TPM4: variants seen among roughly 807,000 people sequenced by gnomAD.
TPM4 encodes tropomyosin alpha-4 chain.
Under a neutral mutation model 35.8 loss-of-function variants are expected in TPM4, and 17 were observed. The ratio of observed to expected loss-of-function variants is 0.47; its 90% CI spans 0.32 to 0.71. The LOEUF (loss-of-function observed/expected upper bound fraction) is 0.71. Ranked by LOEUF, TPM4 falls within the 30% of genes least tolerant of loss-of-function variation. The probability of loss-of-function intolerance (pLI) is 0.03; values close to 1 mark genes in which losing one functional copy is unlikely to be tolerated. For synonymous variants in TPM4, 120 were observed against 122.9 expected, an observed-to-expected ratio of 0.98 and a Z score of 0.15; for missense variants, 240 against 320.9, an observed-to-expected ratio of 0.75 and a Z score of 1.93.
chr19:16,088,257 G>T, intron 4 of TPM4, 160 bp downstream of exon 4: 1 of 1,414,038 alleles, frequency 7.1e-7, no homozygotes, highest in Non-Finnish European at 9.5e-7. Context: ...CTGTGACAAA[G>T]AGGTGGTGAC....
intron 7 of TPM4, chr19:16,095,566 C>T: frequency 3.0e-6 from 3 of 1,013,236 alleles, no homozygotes; most frequent in Non-Finnish European, 3.5e-6. Flanking sequence ...TAGCTGTGTG[C>T]CCTTAACCAT....
intron 3 of TPM4, among the ~76,000 whole-genome samples, chr19:16,087,039 C>T (rs766267902): frequency 6.6e-5 from 10 of 152,098 alleles, no homozygotes; most frequent in Non-Finnish European, 4.4e-5. Flanking sequence ...CCCAGCACTT[C>T]GACCGAGGCG....
At chr19:16,076,097 C>G, upstream of TPM4, 2 of 1,602,378 alleles carry the variant, frequency 1.2e-6, no homozygotes, top group Non-Finnish European at 1.7e-6. Context: ...GGACAGAGGA[C>G]GAGCTGGATA....
chr19:16,096,955 T>A lies in TPM4; in HGVS notation c.664+3202T>A, dbSNP rs1230339589. 1.7e-4 allele frequency among the ~76,000 whole-genome samples: 20 copies of A among 121,114 alleles called. 1 individual carries two copies. The highest frequency in any genetic ancestry group is 7.8e-4 in the African/African-American group (20 of 25,480). The allele number at this position is 121,114 out of a possible 152,430, so 79.5% of individuals were successfully genotyped here. ...GTCACTCTTTTTTTTTTTTTTTTTT[T>A]TTTTTTTTTTTTTTTCAAGACAGGG... On this transcript the variant is annotated intron_variant, in intron 7 of 7. Coordinates refer to ENST00000643579, the MANE Select transcript of TPM4 (RefSeq NM_003290.3).
intron 1 of TPM4, 101 bp downstream of exon 1, chr19:16,076,798 G>A (rs1187694584): frequency 1.6e-6 from 2 of 1,269,126 alleles, no homozygotes; most frequent in Non-Finnish European, 9.9e-7. Context: ...GCAGTCCTCG[G>A]GCCGCCTTTT....
chr19:16,097,476 G>C (rs1225226968), intron 7 of TPM4, among the ~76,000 whole-genome samples: 2 of 151,996 alleles, frequency 1.3e-5, no homozygotes, highest in Non-Finnish European at 2.9e-5. Context: ...GTTTCACCAT[G>C]TTGGCCAGGC....
At chr19:16,090,151 G>A (rs887768043) in intron 5 of TPM4, among the ~76,000 whole-genome samples, 9 of 151,606 alleles carry the variant, frequency 5.9e-5, no homozygotes, top group Non-Finnish European at 1.2e-4. Flanking sequence ...ATCTTGCTCT[G>A]TTGCTTAGGC....
At chr19:16,076,750 C>A (rs2090412245) in intron 1 of TPM4, 53 bp downstream of exon 1, 1 of 1,282,026 alleles carries the variant, frequency 7.8e-7, no homozygotes, top group African/African-American at 1.6e-5. Context: ...CCCGCGCGCC[C>A]TCCTTTCTTC....
chr19:16,076,694 G>T lies in TPM4; in HGVS notation c.129G>T (p.Glu43Asp). ...TGGACGGCGAGCGCGAGCGGCGCGA[G>T]AAAGTGAGCGCCCCGGCCTCGGGCC... The part of the protein sequence containing the change: ...RELDGERERR[E>D]KAEGDVAALN... The change falls in exon 1 of 8, where the codon GAG (glutamate) becomes GAT (aspartate). Residue 43 changes from glutamate to aspartate, a missense_variant. Transcript: ENST00000643579. The T allele has an allele frequency of 7.4e-7, 1 of 1,351,274 alleles. No individual in the cohort carries two copies. The highest frequency in any genetic ancestry group is 9.5e-7 in the Non-Finnish European group (1 of 1,052,656). The allele number at this position is 1,351,274 out of a possible 1,614,324, so 83.7% of individuals were successfully genotyped here.
At chr19:16,068,033 G>A (rs2090315680) in intron 2 of TPM4, 1 of 455,752 alleles carries the variant, frequency 2.2e-6, no homozygotes, top group Non-Finnish European at 4.0e-6. Flanking sequence ...TGTCGTTTGC[G>A]CTGGGAGGTT....
chr19:16,090,925 C>T (rs1241382439), intron 5 of TPM4, among the ~76,000 whole-genome samples: 2 of 151,306 alleles, frequency 1.3e-5, no homozygotes, highest in East Asian at 3.9e-4. Context: ...CCTCTGTCTC[C>T]CATATGTGCC....
intron 1 of TPM4, chr19:16,080,947 TG>T (rs1391513430): frequency 1.0e-5 from 4 of 398,308 alleles, no homozygotes; most frequent in Non-Finnish European, 1.8e-5. Context: ...ATAACACTAT[TG>T]GGGTATGTCT....
chr19:16,097,693 A>G (rs909773146), intron 7 of TPM4, among the ~76,000 whole-genome samples: 7 of 152,134 alleles, frequency 4.6e-5, no homozygotes, highest in African/African-American at 1.2e-4. Context: ...CAGATAATTG[A>G]CATTTAGATG....
intron 2 of TPM4, among the ~76,000 whole-genome samples, chr19:16,085,795 G>A (rs116149353): frequency 0.012 from 1,766 of 152,202 alleles, 26 homozygotes; most frequent in African/African-American, 0.039. Context: ...GAGGCTGGGC[G>A]CGGTGGCTCA....
intron 5 of TPM4, chr19:16,092,928 C>G (rs114939354): frequency 0.062 from 9,794 of 157,072 alleles, 366 homozygotes; most frequent in Middle Eastern, 0.08. Context: ...AATCAGAGCT[C>G]TCTGCAGCCT....
chr19:16,069,552 G>A (rs200455888), intron 2 of TPM4, among the ~76,000 whole-genome samples: 1 of 4,148 alleles, frequency 2.4e-4, no homozygotes, highest in African/African-American at 8.6e-4. Context: ...GTGTGGATGA[G>A]TGTGTGTTTC....
chr19:16,080,240 C>G (rs2063526808), intron 1 of TPM4: 1 of 204,320 alleles, frequency 4.9e-6, no homozygotes, highest in Non-Finnish European at 1.0e-5. Context: ...CCATTCATTT[C>G]TTACCAATTC....
upstream of TPM4, among the ~76,000 whole-genome samples, chr19:16,072,796 A>G (rs923658094): frequency 6.6e-6 from 1 of 151,988 alleles, no homozygotes; most frequent in Non-Finnish European, 1.5e-5. Context: ...AATCCCAGCT[A>G]CTAGGGAGGT....
chr19:16,100,754 G>A (rs927217427), intron 7 of TPM4: 3 of 153,362 alleles, frequency 2.0e-5, no homozygotes, highest in African/African-American at 7.2e-5. Flanking sequence ...GGGAGGTCAA[G>A]GCTACGGTGA....
Sources: allele counts gnomAD v4.1 joint callset (sites outside exome capture counted in the v4.1 genomes callset), GRCh38; gene constraint gnomAD v4.1.1; transcripts MANE v1.5; gene names NCBI Gene and HGNC (gene_info 2026-07-23, HGNC 2026-07-21).